Variants in PCDHGB2 observed in about 807,000 individuals in gnomAD.
The protein encoded by PCDHGB2 is protocadherin gamma-B2.
A neutral mutation model predicts 59.3 loss-of-function variants in PCDHGB2; 55 were observed. The ratio of observed to expected loss-of-function variants is 0.93; its 90% CI spans 0.75 to 1.16. PCDHGB2 has a LOEUF of 1.16. Among genes scored for constraint, PCDHGB2 ranks in the 50% most tolerant of loss-of-function variants. The probability of loss-of-function intolerance (pLI) is 0.00; values close to 1 mark genes in which losing one functional copy is unlikely to be tolerated. For synonymous variants in PCDHGB2, 516 were observed against 512.0 expected (o/e 1.01, Z -0.11); for missense variants, 1,228 against 1,198.5 (o/e 1.02, Z -0.36).
chr5:141,397,199 T>G (rs1317536621), intron 1 of PCDHGB2, among the ~76,000 whole-genome samples: 1 of 152,156 alleles, frequency 6.6e-6, no homozygotes, highest in African/African-American at 2.4e-5. Context: ...GTAAAAGATA[T>G]GACATAAGAG....
intron 1 of PCDHGB2, chr5:141,383,379 A>G: frequency 6.2e-7 from 1 of 1,614,052 alleles, no homozygotes; most frequent in Non-Finnish European, 8.5e-7. Context: ...CTGGGGATCC[A>G]GATGTGGGCA....
intron 1 of PCDHGB2, among the ~76,000 whole-genome samples, chr5:141,386,558 G>A (rs931142144): frequency 6.6e-5 from 10 of 151,826 alleles, no homozygotes; most frequent in African/African-American, 2.4e-4. Flanking sequence ...GTAGTATTTT[G>A]CACATGATAG....
chr5:141,384,071 C>T, intron 1 of PCDHGB2: 1 of 1,603,192 alleles, frequency 6.2e-7, no homozygotes, highest in Non-Finnish European at 8.5e-7. Context: ...GAAAACCTAC[C>T]TTTTAAATTA....
At chr5:141,393,154 G>GA in intron 1 of PCDHGB2, 1 of 1,613,294 alleles carries the variant, frequency 6.2e-7, no homozygotes, top group Non-Finnish European at 8.5e-7. Flanking sequence ...GAGGATAAAG[G>GA]AAAACTCTTT....
intron 1 of PCDHGB2, chr5:141,407,888 C>T (rs769893466): frequency 2.6e-6 from 1 of 388,626 alleles, no homozygotes; most frequent in Non-Finnish European, 4.6e-6. Flanking sequence ...TTTCGGAGAC[C>T]GAATTCAAAA....
chr5:141,388,710 G>A (rs756980821), intron 1 of PCDHGB2: 3 of 1,613,966 alleles, frequency 1.9e-6, no homozygotes, highest in Non-Finnish European at 8.5e-7. Flanking sequence ...TGTCAATGCC[G>A]AGATTACTTT....
rs754935227 is a variant in PCDHGB2 at position 141,395,069 on chromosome 5, C to G, written c.2421+32513C>G. The G allele has an allele frequency of 3.7e-6, 6 of 1,614,006 alleles. No homozygotes were observed. In the African/African-American group the frequency reaches 8.0e-5, roughly 22 times the overall value. ...AGGAGGTACAGGCTTTCCTGCAGAC[C>G]TATTCCCAGGAAGTCTCCCTCACCG... On this transcript the variant is annotated intron_variant, in intron 1 of 3. Transcript: ENST00000522605.
chr5:141,418,093 C>A, intron 1 of PCDHGB2: 2 of 1,614,032 alleles, frequency 1.2e-6, no homozygotes, highest in Non-Finnish European at 1.7e-6. Context: ...TCAGCGTAGA[C>A]GCGCAGAGCG....
intron 1 of PCDHGB2, among the ~76,000 whole-genome samples, chr5:141,473,107 C>A (rs2099314182): frequency 6.6e-6 from 1 of 152,134 alleles, no homozygotes; most frequent in Admixed American, 6.5e-5. Flanking sequence ...TATTACCACA[C>A]TTTACTTGGC....
At chr5:141,464,091 T>G (rs2099075583) in intron 1 of PCDHGB2, among the ~76,000 whole-genome samples, 1 of 151,812 alleles carries the variant, frequency 6.6e-6, no homozygotes, top group African/African-American at 2.4e-5. Flanking sequence ...ATGGTGAAAC[T>G]CCGTCTCTAC....
rs114740440 is a variant in PCDHGB2 at position 141,426,595 on chromosome 5, C to T, written c.2421+64039C>T. The T allele has an allele frequency of 4.0e-3, 1,518 of 375,912 alleles. 5 individuals carry two copies. Among genetic ancestry groups the T allele is most frequent in the Non-Finnish European group, 5.9e-3 (1,105 of 185,722 alleles). 23.3% of individuals were successfully genotyped at this position (375,912 alleles called of 1,614,324 possible). ...GTCTTCAAAATCCTCTGTGTCATAC[C>T]CTTAGAGATTGTAGCAGAGAATCCT... On this transcript the variant is annotated intron_variant, in intron 1 of 3. Coordinates refer to ENST00000522605, the MANE Select transcript of PCDHGB2 (RefSeq NM_018923.3).
chr5:141,436,193 A>G (rs2097801112), intron 1 of PCDHGB2, among the ~76,000 whole-genome samples: 1 of 152,156 alleles, frequency 6.6e-6, no homozygotes, highest in South Asian at 2.1e-4. Flanking sequence ...AAATAGAAAG[A>G]AAGACATAAT....
chr5:141,371,540 C>A, intron 1 of PCDHGB2: 1 of 1,613,728 alleles, frequency 6.2e-7, no homozygotes, highest in Non-Finnish European at 8.5e-7. Flanking sequence ...ATGGAGAAAT[C>A]CTATGCCAAC....
intron 1 of PCDHGB2, among the ~76,000 whole-genome samples, chr5:141,448,378 A>G (rs1288817591): frequency 6.6e-6 from 1 of 152,154 alleles, no homozygotes; most frequent in East Asian, 1.9e-4. Context: ...ATTTTTGAAT[A>G]GGAAATACAT....
At position 141,489,664 on chromosome 5, in the gene PCDHGB2, A is replaced by G. The variant is rs745597010; in HGVS notation, c.2422-5143A>G. On this transcript the variant is annotated intron_variant, in intron 1 of 3. Transcript: ENST00000522605. The surrounding 1 kb of genome is among the most constrained non-coding windows in gnomAD (Gnocchi z 4.5). ...TGCCACCCCTGAGCGAGAGATGCGCATCTCAGAATCAGCAGCATCTGGGGC... is the reference window on the plus strand; with the variant it reads ...TGCCACCCCTGAGCGAGAGATGCGCGTCTCAGAATCAGCAGCATCTGGGGC... 1 of 1,614,106 alleles carries G rather than the reference A, an allele frequency of 6.2e-7. No homozygotes were observed. The highest frequency in any genetic ancestry group is 8.5e-7 in the Non-Finnish European group (1 of 1,180,050).
intron 1 of PCDHGB2, among the ~76,000 whole-genome samples, chr5:141,475,750 T>C (rs1158317865): frequency 6.6e-6 from 1 of 152,270 alleles, no homozygotes; most frequent in African/African-American, 2.4e-5. Context: ...AGGTTTCCTA[T>C]GCACCGATAC....
intron 1 of PCDHGB2, 84 bp from the exon 2 acceptor site, chr5:141,494,723 C>T: frequency 1.9e-6 from 3 of 1,606,114 alleles, no homozygotes; most frequent in Non-Finnish European, 2.6e-6. Flanking sequence ...TCCCCTCCTT[C>T]TCTCCCGGCC....
chr5:141,418,277 T>G, intron 1 of PCDHGB2: 2 of 1,614,026 alleles, frequency 1.2e-6, no homozygotes, highest in Non-Finnish European at 1.7e-6. Flanking sequence ...TGAAATAAAC[T>G]TAGAAATCAG....
intron 1 of PCDHGB2, chr5:141,419,186 A>G: frequency 1.2e-6 from 2 of 1,613,940 alleles, no homozygotes; most frequent in Non-Finnish European, 1.7e-6. Context: ...CCTGCACATT[A>G]CTGACGTCAA....
Sources: allele counts gnomAD v4.1 joint callset (sites outside exome capture counted in the v4.1 genomes callset), GRCh38; gene constraint gnomAD v4.1.1; non-coding constraint Gnocchi (gnomAD v3.1); transcripts MANE v1.5; gene names NCBI Gene and HGNC (gene_info 2026-07-23, HGNC 2026-07-21).